ZNF625: variants seen among roughly 807,000 people sequenced by gnomAD.
ZNF625 encodes zinc finger protein 625.
In ZNF625, 8 loss-of-function variants were observed where a neutral mutation model predicts 11.1. The observed-to-expected ratio is 0.72, with a 90% CI of 0.42 to 1.30. The LOEUF (loss-of-function observed/expected upper bound fraction) is 1.30, where lower values mean the gene tolerates loss of function less well. Among genes scored for constraint, ZNF625 ranks in the 50% most tolerant of loss-of-function variants. The pLI is 0.01. For missense variants in ZNF625, 349 were observed against 447.6 expected (o/e 0.78, Z 1.99); for synonymous variants, 145 against 153.4 (o/e 0.95, Z 0.41).
At chr19:12,154,217 A>G (rs1184587246) in intron 1 of ZNF625, among the ~76,000 whole-genome samples, 1 of 152,068 alleles carries the variant, frequency 6.6e-6, no homozygotes, top group Non-Finnish European at 1.5e-5. Flanking sequence ...TTTCTCACAC[A>G]AAGACTTCAT....
chr19:12,145,344 G>A lies in ZNF625; in HGVS notation c.1072C>T (p.Pro358Ser), dbSNP rs749411135. The part of the protein sequence containing the change: ...IHERTHTGEK[P>S]CSSNTSKGQG... ...CCTTTCGAAGTGTTGGAGCTACAGG[G>A]TTTTTCTCCAGTGTGAGTCCTTTCA... Residue 358 changes from proline (P) to serine (S), a missense_variant, in exon 4 of 4, where the codon CCC (proline) becomes TCC (serine). Pro to Ser is a moderately conservative substitution (Grantham distance 74). Coordinates refer to ENST00000439556, the MANE Select transcript of ZNF625 (RefSeq NM_145233.4). The A allele has an allele frequency of 1.9e-6, 3 of 1,614,082 alleles. No homozygotes were observed. Among genetic ancestry groups the A allele is most frequent in the Non-Finnish European group, 2.5e-6 (3 of 1,180,004 alleles).
At chr19:12,149,165 A>C (rs1427401714) in intron 1 of ZNF625, among the ~76,000 whole-genome samples, 1 of 151,164 alleles carries the variant, frequency 6.6e-6, no homozygotes, top group African/African-American at 2.4e-5. Flanking sequence ...TATGCCTGTA[A>C]TCCCAGCTAC....
rs1299625001 is a variant in ZNF625 at position 12,147,751 on chromosome 19, C to T, written c.55G>A (p.Ala19Thr). 3.1e-6 allele frequency: 5 copies of T among 1,614,134 alleles called. No individual in the cohort carries two copies. Among genetic ancestry groups the T allele is most frequent in the Non-Finnish European group, 4.2e-6 (5 of 1,180,026 alleles). ...VDVNFTQEEW[A>T]LLDPSQKNLY... ...TTCTTCTGGGAAGGATCCAGCAAAG[C>T]CCACTCCTCCTGGGTGAAGTTCACA... The change falls in exon 2 of 4, where the codon GCT becomes ACT. Residue 19 changes from alanine (A) to threonine (T), a missense_variant. Physicochemically the swap from Ala to Thr is moderately conservative, Grantham distance 58. Transcript: ENST00000439556.
intron 3 of ZNF625, among the ~76,000 whole-genome samples, chr19:12,146,959 T>C (rs1976883359): frequency 6.6e-6 from 1 of 150,600 alleles, no homozygotes; most frequent in South Asian, 2.1e-4. Context: ...CTTAAATATA[T>C]GTTTTTAGAG....
intron 1 of ZNF625, among the ~76,000 whole-genome samples, chr19:12,154,309 TC>T (rs1283277311): frequency 1.3e-5 from 2 of 152,204 alleles, no homozygotes; most frequent in Non-Finnish European, 2.9e-5. Context: ...CCAGTGATCC[TC>T]CTGCCTCAGT....
rs1976848335 is a variant in ZNF625, at chr19:12,145,093, C to G, written c.*204G>C. On this transcript the variant is annotated 3_prime_UTR_variant, in exon 4 of 4. Coordinates refer to ENST00000439556, the MANE Select transcript of ZNF625 (RefSeq NM_145233.4). ...TCTCTCTTAAGAGTTATTTCCAACT[C>G]TGTGTCCTAGGTATCTGAGTGAGGC... 1.3e-5 allele frequency: 8 copies of G among 615,470 alleles called. No homozygotes were observed. The East Asian group carries it at 2.1e-4, about 16-fold the overall frequency. 38.1% of individuals were successfully genotyped at this position (615,470 alleles called of 1,614,324 possible).
chr19:12,147,502 A>G, intron 2 of ZNF625, 47 bp from the exon 3 acceptor site: 1 of 1,505,874 alleles, frequency 6.6e-7, no homozygotes, highest in Admixed American at 2.3e-5. Context: ...CAAAATTATG[A>G]AAAAAGTACT....
intron 1 of ZNF625, 93 bp from the exon 2 acceptor site, chr19:12,147,895 GACTCC>G: frequency 6.8e-7 from 1 of 1,476,984 alleles, no homozygotes; most frequent in Non-Finnish European, 9.1e-7. Context: ...TGGTGCTATG[GACTCC>G]AAACATTTAT....
At chr19:12,151,012 G>A (rs1976946393) in intron 1 of ZNF625, among the ~76,000 whole-genome samples, 2 of 152,018 alleles carry the variant, frequency 1.3e-5, no homozygotes, top group African/African-American at 4.8e-5. Flanking sequence ...GGTTCCAACT[G>A]AGATGGATAT....
chr19:12,146,970 A>ATTTTTT lies in ZNF625; in HGVS notation c.191+419_191+424dup, dbSNP rs934558893. Among the ~76,000 whole-genome samples, 2 of 130,820 alleles carry ATTTTTT rather than the reference A, an allele frequency of 1.5e-5. 1 individual carries two copies. The highest frequency in any genetic ancestry group is 4.7e-4 in the East Asian group (2 of 4,294). 85.8% of individuals were successfully genotyped at this position (130,820 alleles called of 152,430 possible). A position where few individuals can be genotyped will look rare whatever the true frequency, so the allele number is the denominator to read the frequency against. On this transcript the variant is annotated intron_variant, in intron 3 of 3. Transcript: ENST00000439556. ...CACACTTAAATATATGTTTTTAGAG[A>ATTTTTT]TTTTTTTTTTTTTTGAGACGGAGTC...
intron 1 of ZNF625, among the ~76,000 whole-genome samples, chr19:12,153,349 C>CAA (rs1260818004): frequency 0.021 from 1,284 of 61,428 alleles, 22 homozygotes; most frequent in African/African-American, 0.075. Flanking sequence ...GACTCCATCT[C>CAA]AAAAAAAAAA....
chr19:12,155,191 A>C (rs1332860463), intron 1 of ZNF625, among the ~76,000 whole-genome samples: 6 of 148,042 alleles, frequency 4.1e-5, no homozygotes, highest in Non-Finnish European at 8.9e-5. Context: ...GCGCCACTGC[A>C]CTCCAGCCTG....
At position 12,145,780 on chromosome 19, in the gene ZNF625, A is replaced by C. The variant is rs1258538891; in HGVS notation, c.636T>G (p.Thr212=). 3 of 1,614,226 alleles carry C rather than the reference A, an allele frequency of 1.9e-6. No homozygotes were observed. In the East Asian group the frequency reaches 6.7e-5, roughly 36 times the overall value. Residue 212 remains threonine (T), a synonymous_variant, in exon 4 of 4, where the codon ACT becomes ACG. Transcript: ENST00000439556. ...ATTCATATGGTTTCTCTCCAGTGTGAGTTCGTTTGTGGATAAGATACAAAC... is the reference window on the plus strand; with the variant it reads ...ATTCATATGGTTTCTCTCCAGTGTGCGTTCGTTTGTGGATAAGATACAAAC... ...CLSLYLIHKR[T]HTGEKPYECK...
chr19:12,156,520 T>C, intron 1 of ZNF625, 36 bp downstream of exon 1: 3 of 1,416,520 alleles, frequency 2.1e-6, no homozygotes, highest in Admixed American at 2.7e-5. Flanking sequence ...TCCCGGCCCC[T>C]CCCCCGTCTC....
At chr19:12,156,479 G>A in intron 1 of ZNF625, 77 bp downstream of exon 1, 1 of 1,270,990 alleles carries the variant, frequency 7.9e-7, no homozygotes, top group Non-Finnish European at 1.0e-6. Flanking sequence ...GGAAGGCCTG[G>A]GTCCTGCTAG....
intron 3 of ZNF625, among the ~76,000 whole-genome samples, chr19:12,146,559 G>T (rs1976876638): frequency 6.6e-6 from 1 of 152,064 alleles, no homozygotes; most frequent in Non-Finnish European, 1.5e-5. Flanking sequence ...TCAGCCTCCT[G>T]ATTACCTGAG....
In ZNF625 at chr19:12,146,105, T is replaced by C; in HGVS notation, c.311A>G (p.Glu104Gly). 6.2e-7 allele frequency: 1 copy of C among 1,614,150 alleles called. No individual in the cohort carries two copies. Among genetic ancestry groups the C allele is most frequent in the Non-Finnish European group, 8.5e-7 (1 of 1,180,018 alleles). ...AAGGGATGCATGACCCACGCTGACT[T>C]CTCCACATGATTTTACTCGGGGAGT... ...KKTPRVKSCG[E>G]VSVGHASLNR... Residue 104 changes from glutamate to glycine, a missense_variant, in exon 4 of 4, where the codon GAA (glutamate) becomes GGA (glycine). By Grantham distance (98) the Glu-to-Gly change is moderately conservative (BLOSUM62 -2). Transcript: ENST00000439556.
intron 3 of ZNF625, among the ~76,000 whole-genome samples, chr19:12,146,467 T>G (rs950446971): frequency 3.3e-5 from 5 of 152,178 alleles, no homozygotes; most frequent in South Asian, 2.1e-4. Context: ...AGGGTCTCAC[T>G]CTGTCATCCA....
At chr19:12,150,112 A>T (rs1486196923) in intron 1 of ZNF625, among the ~76,000 whole-genome samples, 1 of 152,240 alleles carries the variant, frequency 6.6e-6, no homozygotes, top group Non-Finnish European at 1.5e-5. Flanking sequence ...GTATTCATAA[A>T]CAAAATAGAA....
Sources: allele counts gnomAD v4.1 joint callset (sites outside exome capture counted in the v4.1 genomes callset), GRCh38; gene constraint gnomAD v4.1.1; transcripts MANE v1.5; gene names NCBI Gene and HGNC (gene_info 2026-07-23, HGNC 2026-07-21).